PARD3B: variants seen among roughly 807,000 people sequenced by gnomAD.
PARD3B encodes the protein partitioning defective 3 homolog B.
PARD3B carries 103 observed loss-of-function variants against 130.2 expected under a neutral mutation model. The observed-to-expected ratio is 0.79, with a 90% CI of 0.67 to 0.93. PARD3B has a LOEUF of 0.93. Among genes scored for constraint, PARD3B ranks in the 40% least tolerant of loss-of-function variants. PARD3B has a pLI of 0.00. For synonymous variants in PARD3B, 583 were observed against 553.2 expected, an observed-to-expected ratio of 1.05 and a Z score of -0.76; for missense variants, 1,609 against 1,499.2, an observed-to-expected ratio of 1.07 and a Z score of -1.21.
At chr2:205,245,688 C>A in intron 15 of PARD3B, 90 bp from the exon 16 acceptor site, 2 of 1,036,322 alleles carry the variant, frequency 1.9e-6, no homozygotes, top group East Asian at 2.5e-5. Context: ...AAAGATTTAA[C>A]TTATTATGAA....
intron 16 of PARD3B, among the ~76,000 whole-genome samples, chr2:205,282,403 T>C (rs1415388616): frequency 6.6e-6 from 1 of 151,656 alleles, no homozygotes; most frequent in Non-Finnish European, 1.5e-5. Context: ...ATTCAAGTGA[T>C]GTTTACAAGT....
At chr2:205,245,554 A>G (rs921161163) in intron 15 of PARD3B, among the ~76,000 whole-genome samples, 1 of 152,230 alleles carries the variant, frequency 6.6e-6, no homozygotes, top group Non-Finnish European at 1.5e-5. Flanking sequence ...AAATGAAGTT[A>G]TGTTCATAAA....
At chr2:204,869,421 T>C (rs931672956) in intron 2 of PARD3B, among the ~76,000 whole-genome samples, 1 of 152,168 alleles carries the variant, frequency 6.6e-6, no homozygotes, top group African/African-American at 2.4e-5. Flanking sequence ...CTGATCTTTC[T>C]AAGATGCCTC....
chr2:204,943,040 G>GAAAAGACAAGAAAGACTTTGTGTA lies in PARD3B; in HGVS notation c.223-22085_223-22062dup, dbSNP rs538629900. Among the ~76,000 whole-genome samples, 536 of 151,860 alleles carry GAAAAGACAAGAAAGACTTTGTGTA rather than the reference G, an allele frequency of 3.5e-3. 3 individuals carry two copies. The highest frequency in any genetic ancestry group is 0.012 in the African/African-American group (509 of 41,360). On this transcript the variant is annotated intron_variant, in intron 2 of 22. Coordinates refer to ENST00000406610, the MANE Select transcript of PARD3B (RefSeq NM_001302769.2). This position sits in a 1 kb window ranked among gnomAD's most constrained non-coding sequence, Gnocchi z 4.2. ...CCCCTGAAAAATAAAAATTAAAAAA[G>GAAAAGACAAGAAAGACTTTGTGTA]AAAAGACAAGAAAGACTTTGTGTAA... is the stretch of plus-strand genomic sequence containing the variant.
chr2:205,310,523 T>C (rs1377730961), intron 18 of PARD3B, among the ~76,000 whole-genome samples: 1 of 152,032 alleles, frequency 6.6e-6, no homozygotes, highest in Admixed American at 6.6e-5. Context: ...CTGGTGACCA[T>C]CATTCTATTC....
Position 205,121,793 on chromosome 2 carries a change from G to T in PARD3B, c.1009G>T (p.Asp337Tyr). 1 of 1,614,102 alleles carries T rather than the reference G, an allele frequency of 6.2e-7. No homozygotes were observed. Among genetic ancestry groups the T allele is most frequent in the Non-Finnish European group, 8.5e-7 (1 of 1,180,020 alleles). The change falls in exon 8 of 23, where the codon GAT (aspartate) becomes TAT (tyrosine). Residue 337 changes from aspartate (D) to tyrosine (Y), a missense_variant. Coordinates refer to ENST00000406610, the MANE Select transcript of PARD3B (RefSeq NM_001302769.2). This position sits in a 1 kb window ranked among gnomAD's most constrained non-coding sequence, Gnocchi z 5.0. The stretch of plus-strand genomic sequence containing the variant: ...AAAGACAGCAAATCTCACAGGAACC[G>T]ATAGTCCTGAAACAGATGCATCAGC... Reference protein sequence around the residue: ...GLKTANLTGTDSPETDASASL... With the variant: ...GLKTANLTGTYSPETDASASL...
At chr2:205,471,821 T>A (rs1375386033) in intron 20 of PARD3B, among the ~76,000 whole-genome samples, 1 of 152,216 alleles carries the variant, frequency 6.6e-6, no homozygotes, top group African/African-American at 2.4e-5. Context: ...CCGTCACAGA[T>A]AATTTCTGCA....
chr2:205,016,612 G>A (rs1477527095), intron 3 of PARD3B, among the ~76,000 whole-genome samples: 4 of 152,156 alleles, frequency 2.6e-5, no homozygotes, highest in South Asian at 2.1e-4. Flanking sequence ...CCATGGAAAC[G>A]AGGATCCCAG....
chr2:205,137,388 C>T (rs913184015), intron 10 of PARD3B, among the ~76,000 whole-genome samples: 3 of 152,088 alleles, frequency 2.0e-5, no homozygotes, highest in Non-Finnish European at 2.9e-5. Flanking sequence ...AGGAAAGGAA[C>T]AGAAAGGAAC....
chr2:205,577,713 A>T (rs2053812694), intron 22 of PARD3B, among the ~76,000 whole-genome samples: 2 of 152,148 alleles, frequency 1.3e-5, no homozygotes, highest in South Asian at 4.1e-4. Context: ...CAGTAGGAAT[A>T]TTTTTTTAAA....
chr2:204,660,680 A>G (rs2035776841), intron 1 of PARD3B, among the ~76,000 whole-genome samples: 1 of 152,156 alleles, frequency 6.6e-6, no homozygotes, highest in South Asian at 2.1e-4. Context: ...GATCCTTTAA[A>G]GAAGTTACTA....
chr2:204,664,923 C>T lies in PARD3B; in HGVS notation c.121-21258C>T, dbSNP rs2035959195. On this transcript the variant is annotated intron_variant, in intron 1 of 22. Transcript: ENST00000406610. The surrounding 1 kb of genome is among the most constrained non-coding windows in gnomAD (Gnocchi z 5.2). ...GTTGGGCATTAGTTTAAAAGCCTAG[C>T]ATTTAATAGGAACTTTGGCATATGT... is the stretch of plus-strand genomic sequence containing the variant. Among the ~76,000 whole-genome samples the T allele has an allele frequency of 6.6e-6, 1 of 152,116 alleles. No homozygotes were observed. The highest frequency in any genetic ancestry group is 1.5e-5 in the Non-Finnish European group (1 of 68,014).
chr2:205,029,581 A>G (rs1248662663), intron 3 of PARD3B, among the ~76,000 whole-genome samples: 12 of 152,318 alleles, frequency 7.9e-5, no homozygotes, highest in Admixed American at 3.9e-4. Context: ...TTCAACAGTT[A>G]GAATTATAAT....
At chr2:204,712,709 G>A (rs1370072083) in intron 2 of PARD3B, among the ~76,000 whole-genome samples, 6 of 150,252 alleles carry the variant, frequency 4.0e-5, no homozygotes, top group East Asian at 3.9e-4. Flanking sequence ...TAATATGATT[G>A]ATAGATAAAG....
chr2:204,922,805 G>A (rs952905622), intron 2 of PARD3B, among the ~76,000 whole-genome samples: 40 of 152,124 alleles, frequency 2.6e-4, no homozygotes, highest in Non-Finnish European at 4.6e-4. Flanking sequence ...CAATGTTTGT[G>A]TCTCTCCAAA....
intron 2 of PARD3B, among the ~76,000 whole-genome samples, chr2:204,706,963 G>A (rs1334557060): frequency 2.0e-5 from 3 of 152,212 alleles, no homozygotes; most frequent in Admixed American, 2.0e-4. Context: ...TTGGAATAAT[G>A]GATAAGGGAT....
Position 205,295,994 on chromosome 2 carries a change from G to A in PARD3B, c.2186-4536G>A, listed in dbSNP as rs535598771. ...AAAAAGGGAAAGCATTTTTTATGAA[G>A]TCCTTTTTAGCTGTTTGTAGAACGC... On this transcript the variant is annotated intron_variant, in intron 16 of 22. Transcript: ENST00000406610. 4.6e-5 allele frequency among the ~76,000 whole-genome samples: 7 copies of A among 152,232 alleles called. 1 individual carries two copies. The South Asian group carries it at 1.2e-3, about 27-fold the overall frequency.
chr2:204,891,189 T>TC (rs200689365), intron 2 of PARD3B, among the ~76,000 whole-genome samples: 1 of 148,418 alleles, frequency 6.7e-6, no homozygotes, highest in African/African-American at 2.5e-5. Context: ...TCCTTTTCTT[T>TC]TTTTTTTTTT....
intron 2 of PARD3B, among the ~76,000 whole-genome samples, chr2:204,808,200 TTC>T (rs1261476806): frequency 6.6e-6 from 1 of 152,176 alleles, no homozygotes; most frequent in Non-Finnish European, 1.5e-5. Flanking sequence ...TGCATTTCTA[TTC>T]TTTTTTTACT....
Sources: allele counts gnomAD v4.1 joint callset (sites outside exome capture counted in the v4.1 genomes callset), GRCh38; gene constraint gnomAD v4.1.1; non-coding constraint Gnocchi (gnomAD v3.1); transcripts MANE v1.5; gene names NCBI Gene and HGNC (gene_info 2026-07-23, HGNC 2026-07-21).